SNAP47: variants seen among roughly 807,000 people sequenced by gnomAD.
SNAP47 encodes synaptosome associated protein 47.
SNAP47 carries 20 observed loss-of-function variants against 31.4 expected under a neutral mutation model. That is an observed-to-expected ratio of 0.64 (90% CI 0.45 to 0.93). SNAP47 has a LOEUF of 0.93. SNAP47 is among the 40% of genes least tolerant of loss of function. The pLI is 0.00. For missense variants in SNAP47, 492 were observed against 528.5 expected (o/e 0.93, Z 0.68); for synonymous variants, 194 against 213.4 (o/e 0.91, Z 0.79).
At chr1:227,734,990 G>T (rs1187944226), upstream of SNAP47, 23 of 1,513,042 alleles carry the variant, frequency 1.5e-5, no homozygotes, top group Non-Finnish European at 2.0e-5. Flanking sequence ...TCCCCGCCCG[G>T]GGTCTGCGGC....
At chr1:227,744,909 T>C (rs983303749) in intron 1 of SNAP47, among the ~76,000 whole-genome samples, 1 of 152,152 alleles carries the variant, frequency 6.6e-6, no homozygotes, top group African/African-American at 2.4e-5. Context: ...CACTCAGGGA[T>C]AGGGGCAGGA....
At chr1:227,772,190 A>G (rs1663859301) in intron 4 of SNAP47, among the ~76,000 whole-genome samples, 2 of 152,130 alleles carry the variant, frequency 1.3e-5, no homozygotes, top group African/African-American at 2.4e-5. Context: ...CTCATTATTC[A>G]CTTTTTAAAA....
intron 1 of SNAP47, among the ~76,000 whole-genome samples, chr1:227,736,686 G>GTTTTTTTTTTTTT (rs112159513): frequency 6.2e-4 from 69 of 110,910 alleles, no homozygotes; most frequent in Middle Eastern, 4.7e-3. Context: ...TTTTGTTTTT[G>GTTTTTTTTTTTTT]TTTTTTTTTT....
At chr1:227,729,136 AG>A (rs1660483322) in intron 1 of SNAP47, among the ~76,000 whole-genome samples, 1 of 152,228 alleles carries the variant, frequency 6.6e-6, no homozygotes, top group South Asian at 2.1e-4. Context: ...CCAGAGGAAC[AG>A]GGTAGGAGCC....
chr1:227,744,244 T>C (rs1470033782), intron 1 of SNAP47: 1 of 151,506 alleles, frequency 6.6e-6, no homozygotes, highest in African/African-American at 2.4e-5. Flanking sequence ...AGCCCAAGGA[T>C]GTGGCGGGCT....
upstream of SNAP47, chr1:227,733,383 C>G: frequency 6.4e-7 from 1 of 1,560,906 alleles, no homozygotes; most frequent in Non-Finnish European, 8.7e-7. Flanking sequence ...AGGAAGGCCC[C>G]TGATAGGGGG....
rs553765989 is a variant in SNAP47, at chr1:227,777,148, G to A, written c.1114-3379G>A. Reference sequence around the variant, plus strand: ...ATTTTATTTTCTTCTTTATATTCTGGGGAGATGTCATAGACAATATTTTTA... The same window carrying A: ...ATTTTATTTTCTTCTTTATATTCTGAGGAGATGTCATAGACAATATTTTTA... On this transcript the variant is annotated intron_variant, in intron 4 of 4. Transcript: ENST00000617596. 3 of 826,590 alleles carry A rather than the reference G, an allele frequency of 3.6e-6. No homozygotes were observed. In the East Asian group the frequency reaches 3.7e-4, roughly 103 times the overall value. The allele number at this position is 826,590 out of a possible 1,614,324, so 51.2% of individuals were successfully genotyped here. A position where few individuals can be genotyped will look rare whatever the true frequency, so the allele number is the denominator to read the frequency against.
chr1:227,735,314 G>T (rs775342387), upstream of SNAP47: 4 of 1,602,478 alleles, frequency 2.5e-6, no homozygotes, highest in South Asian at 4.4e-5. Flanking sequence ...CCTCACTTCC[G>T]CCGGAGCGGA....
chr1:227,742,077 T>C (rs931172842), intron 1 of SNAP47, among the ~76,000 whole-genome samples: 1 of 151,990 alleles, frequency 6.6e-6, no homozygotes, highest in African/African-American at 2.4e-5. Context: ...GTGTGCACAA[T>C]GTGCAGGTTA....
chr1:227,754,129 G>T (rs1253860642), intron 2 of SNAP47, among the ~76,000 whole-genome samples: 1 of 152,244 alleles, frequency 6.6e-6, no homozygotes, highest in Non-Finnish European at 1.5e-5. Flanking sequence ...AAGCCCGAAG[G>T]GAGATGGTTT....
At position 227,741,854 on chromosome 1, in the gene SNAP47, G is replaced by T. The variant is rs1661626341; in HGVS notation, c.-45-5838G>T. ...AAGGTTTTCTGGGAAAGAAGCCCTG[G>T]AAACCTGCAGTTGGAAAAGGGTGGC... On this transcript the variant is annotated intron_variant, in intron 1 of 4. Coordinates refer to ENST00000617596, the MANE Select transcript of SNAP47 (RefSeq NM_053052.4). The surrounding 1 kb of genome is among the most constrained non-coding windows in gnomAD (Gnocchi z 4.2). 6.6e-6 allele frequency among the ~76,000 whole-genome samples: 1 copy of T among 152,058 alleles called. No homozygotes were observed. Among genetic ancestry groups the T allele is most frequent in the African/African-American group, 2.4e-5 (1 of 41,386 alleles).
intron 4 of SNAP47, chr1:227,775,960 C>A: frequency 7.8e-7 from 1 of 1,286,746 alleles, no homozygotes; most frequent in Non-Finnish European, 1.0e-6. Context: ...CCACAGCGCC[C>A]AGGGCATCCT....
chr1:227,733,718 G>A (rs760704981), upstream of SNAP47: 7 of 1,598,170 alleles, frequency 4.4e-6, no homozygotes, highest in Non-Finnish European at 5.9e-6. Flanking sequence ...TGCCTGTAGG[G>A]GCTGGTATGG....
chr1:227,751,367 C>T (rs945361859), intron 2 of SNAP47, among the ~76,000 whole-genome samples: 12 of 152,208 alleles, frequency 7.9e-5, no homozygotes, highest in Non-Finnish European at 1.5e-5. Flanking sequence ...GGTGCACTCT[C>T]AGCTGATCCT....
Position 227,748,217 on chromosome 1 carries a change from C to A in SNAP47, c.481C>A (p.Leu161Met). 1 of 1,586,836 alleles carries A rather than the reference C, an allele frequency of 6.3e-7. No homozygotes were observed. Residue 161 changes from leucine to methionine, a missense_variant, in exon 2 of 5, where the codon CTG becomes ATG. Transcript: ENST00000617596. ...AGGCCTGGACAAGATGGAGTCAGACCTGGAGGTGGCGGACAGGTGGGCTTG... is the reference window on the plus strand; with the variant it reads ...AGGCCTGGACAAGATGGAGTCAGACATGGAGGTGGCGGACAGGTGGGCTTG... Reference protein sequence around the residue: ...MRGLDKMESDLEVADRLLTEL... With the variant: ...MRGLDKMESDMEVADRLLTEL...
chr1:227,776,607 A>T, intron 4 of SNAP47: 1 of 985,442 alleles, frequency 1.0e-6, no homozygotes, highest in Non-Finnish European at 1.2e-6. Flanking sequence ...CAGACTTCAC[A>T]TTCTCCATTC....
At chr1:227,732,120 G>A (rs1278238853), upstream of SNAP47, 9 of 552,786 alleles carry the variant, frequency 1.6e-5, no homozygotes, top group Non-Finnish European at 2.6e-5. Flanking sequence ...GCCTAAGGAG[G>A]CAGGGCCCCC....
chr1:227,778,365 G>C (rs751515397), intron 4 of SNAP47, among the ~76,000 whole-genome samples: 1 of 152,252 alleles, frequency 6.6e-6, no homozygotes, highest in Non-Finnish European at 1.5e-5. Flanking sequence ...CAGGGGCCTT[G>C]GGCCATCTCC....
At chr1:227,770,818 G>A (rs1013078721) in intron 4 of SNAP47, 3 of 152,608 alleles carry the variant, frequency 2.0e-5, no homozygotes, top group East Asian at 1.9e-4. Context: ...TGAGCTCACC[G>A]ACCATGTCGG....
Sources: gnomAD v4.1 joint callset for allele counts (sites outside exome capture counted in the v4.1 genomes callset) on GRCh38, gnomAD v4.1.1 for gene constraint, Gnocchi (gnomAD v3.1) non-coding constraint, MANE v1.5 for transcripts, NCBI Gene and HGNC (gene_info 2026-07-23, HGNC 2026-07-21) for gene names.